The following EHBP1 variants were observed in gnomAD, a reference collection of about 807,000 sequenced individuals.
EHBP1 encodes EH domain-binding protein 1.
EHBP1 carries 55 observed loss-of-function variants against 144.0 expected under a neutral mutation model. The ratio of observed to expected loss-of-function variants is 0.38; its 90% confidence interval spans 0.31 to 0.48. EHBP1 has a LOEUF of 0.48. Among genes scored for constraint, EHBP1 ranks in the 20% least tolerant of loss-of-function variants. EHBP1 has a pLI of 0.98. For synonymous variants in EHBP1, 469 were observed against 472.7 expected (o/e 0.99, Z 0.10); for missense variants, 1,200 against 1,364.2 (o/e 0.88, Z 1.90).
intron 2 of EHBP1, among the ~76,000 whole-genome samples, chr2:62,737,335 A>C (rs1018841062): frequency 1.3e-5 from 2 of 151,566 alleles, no homozygotes; most frequent in African/African-American, 4.9e-5. Flanking sequence ...AGGAGGTAAA[A>C]CTCCCAAAAA....
chr2:62,757,152 A>G lies in EHBP1; in HGVS notation c.163-7114A>G, dbSNP rs137856849. On this transcript the variant is annotated intron_variant, in intron 3 of 22. Transcript: ENST00000431489. ...TCAGAAAATATATATATATTTTAAG[A>G]CAGGATCTTACTTGTTGCCCAGGCT... 1.9e-3 allele frequency among the ~76,000 whole-genome samples: 292 copies of G among 152,262 alleles called. 2 individuals carry two copies. In the Middle Eastern group the frequency reaches 0.031, roughly 16 times the overall value.
chr2:62,710,059 T>G (rs1271617622), intron 2 of EHBP1, among the ~76,000 whole-genome samples: 10 of 152,142 alleles, frequency 6.6e-5, no homozygotes, highest in Admixed American at 1.3e-4. Flanking sequence ...TGGCAAGTAG[T>G]AAGACTGGCC....
intron 14 of EHBP1, among the ~76,000 whole-genome samples, chr2:62,957,932 A>G (rs1574243911): frequency 6.6e-6 from 1 of 152,192 alleles, no homozygotes; most frequent in Admixed American, 6.5e-5. Flanking sequence ...TTATATTTCA[A>G]TAAGATACAC....
intron 3 of EHBP1, among the ~76,000 whole-genome samples, chr2:62,754,399 T>C (rs983612052): frequency 1.3e-5 from 2 of 152,162 alleles, no homozygotes; most frequent in Non-Finnish European, 2.9e-5. Context: ...TCAGTCTGCC[T>C]CTACTGGGGG....
At chr2:62,949,856 T>C (rs2057285542) in intron 13 of EHBP1, among the ~76,000 whole-genome samples, 1 of 152,150 alleles carries the variant, frequency 6.6e-6, no homozygotes, top group Non-Finnish European at 1.5e-5. Context: ...CCATCAGTTA[T>C]AAGATATACT....
chr2:62,799,602 C>T (rs2043826195), intron 5 of EHBP1, among the ~76,000 whole-genome samples: 1 of 152,094 alleles, frequency 6.6e-6, no homozygotes, highest in African/African-American at 2.4e-5. Context: ...TACAAATTGC[C>T]CTGAGGCAAG....
intron 10 of EHBP1, among the ~76,000 whole-genome samples, chr2:62,896,941 C>T (rs914057604): frequency 6.6e-6 from 1 of 152,038 alleles, no homozygotes; most frequent in Admixed American, 6.6e-5. Flanking sequence ...ATTACTTTTT[C>T]CTTTATAAAT....
chr2:62,797,727 A>G (rs1037889455), intron 5 of EHBP1, among the ~76,000 whole-genome samples: 1 of 152,242 alleles, frequency 6.6e-6, no homozygotes, highest in African/African-American at 2.4e-5. Context: ...AAAACTGTAA[A>G]TGAAAACAGT....
intron 2 of EHBP1, among the ~76,000 whole-genome samples, chr2:62,737,360 C>T (rs917108114): frequency 1.3e-5 from 2 of 152,128 alleles, no homozygotes; most frequent in Non-Finnish European, 2.9e-5. Context: ...CTTCCCCTTT[C>T]CCCCGCGACT....
rs183287554 is a variant in EHBP1 at position 63,026,093 on chromosome 2, C to G, written c.3104-11442C>G. Among the ~76,000 whole-genome samples the G allele has an allele frequency of 7.5e-3, 1,138 of 152,254 alleles. 50 individuals carry two copies. The highest frequency in any genetic ancestry group is 0.065 in the Admixed American group (998 of 15,286). ...AATACATAAAGACATTAGAAATATACTCAATGAAACTAACAACTTCAGACT... is the reference window on the plus strand; with the variant it reads ...AATACATAAAGACATTAGAAATATAGTCAATGAAACTAACAACTTCAGACT... On this transcript the variant is annotated intron_variant, in intron 19 of 22. Transcript: ENST00000431489.
intron 13 of EHBP1, among the ~76,000 whole-genome samples, chr2:62,951,434 A>C (rs889319471): frequency 6.6e-6 from 1 of 151,280 alleles, no homozygotes; most frequent in African/African-American, 2.4e-5. Context: ...ATATGTCCAC[A>C]CATAGTAGAT....
intron 5 of EHBP1, among the ~76,000 whole-genome samples, chr2:62,784,551 A>G (rs2042677656): frequency 6.6e-6 from 1 of 152,198 alleles, no homozygotes; most frequent in African/African-American, 2.4e-5. Context: ...AGGAGTACTC[A>G]TATCTATCAG....
chr2:62,944,908 G>A (rs2056976296), intron 12 of EHBP1, among the ~76,000 whole-genome samples: 1 of 152,196 alleles, frequency 6.6e-6, no homozygotes, highest in African/African-American at 2.4e-5. Flanking sequence ...ATTTATTATT[G>A]TCTTAGAACA....
At chr2:62,792,478 A>G (rs1278895417) in intron 5 of EHBP1, among the ~76,000 whole-genome samples, 1 of 152,112 alleles carries the variant, frequency 6.6e-6, no homozygotes, top group South Asian at 2.1e-4. Context: ...ATCTAACTAC[A>G]TAATTGATTT....
rs1476456590 is a variant in EHBP1, at chr2:63,038,739, C to T, written c.3204-4C>T. ...ATATTGATGAACTTTTGCAACTTGC[C>T]CAGGGAAAAAGAACATGATTTAGAA... On this transcript the variant is annotated splice_region_variant and splice_polypyrimidine_tract_variant and intron_variant, in intron 20 of 22. Transcript: ENST00000431489. 1 of 1,612,268 alleles carries T rather than the reference C, an allele frequency of 6.2e-7. No homozygotes were observed. Among genetic ancestry groups the T allele is most frequent in the Non-Finnish European group, 8.5e-7 (1 of 1,178,874 alleles).
At chr2:62,834,798 T>C (rs576032125) in intron 7 of EHBP1, among the ~76,000 whole-genome samples, 21 of 152,258 alleles carry the variant, frequency 1.4e-4, no homozygotes, top group South Asian at 8.3e-4. Flanking sequence ...GCATTCACAG[T>C]GTACAAAGCC....
chr2:62,999,373 A>G (rs1247492203), intron 19 of EHBP1, among the ~76,000 whole-genome samples: 1 of 152,172 alleles, frequency 6.6e-6, no homozygotes, highest in Non-Finnish European at 1.5e-5. Context: ...AAAATGCATA[A>G]TTCTGTAGCG....
chr2:62,923,193 C>G (rs990342657), intron 10 of EHBP1, among the ~76,000 whole-genome samples: 1 of 152,170 alleles, frequency 6.6e-6, no homozygotes, highest in Non-Finnish European at 1.5e-5. Context: ...ACCACAACCT[C>G]AGCAATACAA....
intron 2 of EHBP1, among the ~76,000 whole-genome samples, chr2:62,745,181 A>T (rs1253869742): frequency 6.6e-6 from 1 of 152,112 alleles, no homozygotes; most frequent in East Asian, 1.9e-4. Context: ...ATATTCATTG[A>T]ACCTCAACCT....
Sources: allele counts gnomAD v4.1 joint callset (sites outside exome capture counted in the v4.1 genomes callset), GRCh38; gene constraint gnomAD v4.1.1; transcripts MANE v1.5; gene names NCBI Gene and HGNC (gene_info 2026-07-23, HGNC 2026-07-21).